NFIC: variants seen among roughly 807,000 people sequenced by gnomAD.
NFIC encodes the protein nuclear factor I C.
Under a neutral mutation model 54.4 loss-of-function variants are expected in NFIC, and 12 were observed. The ratio of observed to expected loss-of-function variants is 0.22; its 90% CI spans 0.14 to 0.36. The LOEUF (loss-of-function observed/expected upper bound fraction) is 0.36. Among genes scored for constraint, NFIC ranks in the 10% least tolerant of loss-of-function variants. The probability of loss-of-function intolerance (pLI) is 1.00; values close to 1 mark genes in which losing one functional copy is unlikely to be tolerated. For missense variants in NFIC, 575 were observed against 718.2 expected, an observed-to-expected ratio of 0.80 and a Z score of 2.28; for synonymous variants, 322 against 319.2, an observed-to-expected ratio of 1.01 and a Z score of -0.09.
intron 2 of NFIC, among the ~76,000 whole-genome samples, chr19:3,402,909 G>C (rs981939215): frequency 1.3e-5 from 2 of 152,164 alleles, no homozygotes; most frequent in Non-Finnish European, 2.9e-5. Flanking sequence ...AGGGCAGAAA[G>C]CGGACAGGAC....
In NFIC at chr19:3,449,087, C is replaced by T. The variant is rs1312615943; in HGVS notation, c.1032C>T (p.Pro344=). ...PFNSPSPQDS[P]RLSSFTQHHR... Reference sequence around the variant, plus strand: ...ACAGCCCGTCCCCCCAGGACTCTCCCCGCCTCTCCAGCTTCACCCAGCACC... The same window carrying T: ...ACAGCCCGTCCCCCCAGGACTCTCCTCGCCTCTCCAGCTTCACCCAGCACC... The change falls in exon 7 of 11, where the codon CCC becomes CCT. Residue 344 remains proline, a synonymous_variant. Coordinates refer to ENST00000443272, the MANE Select transcript of NFIC (RefSeq NM_001245002.2). 1 of 1,613,878 alleles carries T rather than the reference C, an allele frequency of 6.2e-7. No homozygotes were observed. Among genetic ancestry groups the T allele is most frequent in the Admixed American group, 1.7e-5 (1 of 59,996 alleles).
intron 2 of NFIC, among the ~76,000 whole-genome samples, chr19:3,413,530 CCATATGGGGA>C (rs1484923421): frequency 3.9e-5 from 6 of 152,082 alleles, no homozygotes; most frequent in Non-Finnish European, 8.8e-5. Context: ...TTACCGTCCC[CCATATGGGGA>C]CGGTAATCAC....
intron 2 of NFIC, among the ~76,000 whole-genome samples, chr19:3,417,297 C>G (rs1427912187): frequency 6.6e-6 from 1 of 152,180 alleles, no homozygotes; most frequent in African/African-American, 2.4e-5. Flanking sequence ...AACAGCAGAA[C>G]TTCTGAGCTA....
At chr19:3,364,382 G>A (rs2080855516), upstream of NFIC, among the ~76,000 whole-genome samples, 1 of 152,182 alleles carries the variant, frequency 6.6e-6, no homozygotes, top group Admixed American at 6.5e-5. Flanking sequence ...AGGGAGAGCC[G>A]AGGTGCAGAG....
chr19:3,408,662 C>T (rs570379704), intron 2 of NFIC, among the ~76,000 whole-genome samples: 42 of 152,226 alleles, frequency 2.8e-4, no homozygotes, highest in South Asian at 6.2e-4. Context: ...CACTCTGTCG[C>T]GCCAACTCGG....
At chr19:3,434,597 C>T (rs994936862) in intron 5 of NFIC, among the ~76,000 whole-genome samples, 197 bp downstream of exon 5, 1 of 152,190 alleles carries the variant, frequency 6.6e-6, no homozygotes, top group African/African-American at 2.4e-5. Flanking sequence ...GACAGCCCAC[C>T]GTGGGCTCCC....
At chr19:3,456,400 G>C (rs2082556644) in intron 9 of NFIC, 150 bp from the exon 10 acceptor site, 2 of 705,644 alleles carry the variant, frequency 2.8e-6, no homozygotes, top group South Asian at 3.6e-5. Context: ...GTTCAACTGG[G>C]GGTAGGGCGG....
intron 2 of NFIC, among the ~76,000 whole-genome samples, chr19:3,391,503 T>G (rs139372261): frequency 4.6e-5 from 7 of 151,842 alleles, no homozygotes; most frequent in Non-Finnish European, 8.8e-5. Flanking sequence ...ATACAAAAAT[T>G]AGCCAGTCGT....
intron 2 of NFIC, among the ~76,000 whole-genome samples, chr19:3,420,444 T>C (rs1446080789): frequency 6.6e-6 from 1 of 151,916 alleles, no homozygotes; most frequent in African/African-American, 2.4e-5. Context: ...CCCAGCTACT[T>C]GGGAGGCTGG....
At chr19:3,380,969 T>A (rs564307535) in intron 1 of NFIC, among the ~76,000 whole-genome samples, 2 of 150,008 alleles carry the variant, frequency 1.3e-5, no homozygotes, top group East Asian at 4.2e-4. Flanking sequence ...CTAGCTGCAA[T>A]AGGCAGAGAA....
intron 1 of NFIC, chr19:3,359,776 A>T: frequency 8.0e-7 from 1 of 1,247,944 alleles, no homozygotes. Context: ...CTGGGGGGAC[A>T]GGGGGCGGGG....
chr19:3,400,804 T>C (rs2081543407), intron 2 of NFIC, among the ~76,000 whole-genome samples: 1 of 152,166 alleles, frequency 6.6e-6, no homozygotes, highest in Non-Finnish European at 1.5e-5. Context: ...ATTGTACCAC[T>C]ACACTCCAGC....
chr19:3,436,647 A>C (rs1338932875), intron 6 of NFIC, among the ~76,000 whole-genome samples: 4 of 150,702 alleles, frequency 2.7e-5, no homozygotes, highest in Non-Finnish European at 5.9e-5. Flanking sequence ...GCTAATCTTT[A>C]TATTTTTAGT....
At chr19:3,456,876 A>C (rs779988381) in intron 10 of NFIC, 38 of 566,820 alleles carry the variant, frequency 6.7e-5, no homozygotes, top group Non-Finnish European at 1.1e-4. Context: ...TGGGGTCCCC[A>C]GGAGCGTCTC....
Position 3,425,144 on chromosome 19 carries a change from T to C in NFIC, c.601T>C (p.Ser201Pro). 1.9e-6 allele frequency: 3 copies of C among 1,613,006 alleles called. No homozygotes were observed. In the Middle Eastern group the frequency reaches 5.0e-4, roughly 266 times the overall value. Residue 201 changes from serine (S) to proline (P), a missense_variant, in exon 3 of 11, where the codon TCT (serine) becomes CCT (proline). Ser to Pro is a moderately conservative substitution (Grantham distance 74, BLOSUM62 -1). Transcript: ENST00000443272. ...QSGSPRTGMGSDQEDSKPITL... is the reference protein window; with the variant it reads ...QSGSPRTGMGPDQEDSKPITL... ...CGGCAGTCCCCGGACAGGGATGGGC[T>C]CTGACCAGGAGGACAGCAAGCCCAT... is the stretch of plus-strand genomic sequence containing the variant.
Position 3,449,106 on chromosome 19 carries a change from C to A in NFIC, c.1051C>A (p.Gln351Lys). ...QDSPRLSSFT[Q>K]HHRPVIAVHS... is the part of the protein sequence containing the mutation. ...CTCTCCCCGCCTCTCCAGCTTCACC[C>A]AGCACCACCGGCCCGTCATCGCCGT... Residue 351 changes from glutamine (Q) to lysine (K), a missense_variant, in exon 7 of 11, where the codon CAG becomes AAG. By Grantham distance (53) the Gln-to-Lys change is moderately conservative. Coordinates refer to ENST00000443272, the MANE Select transcript of NFIC (RefSeq NM_001245002.2). The A allele has an allele frequency of 6.2e-7, 1 of 1,613,818 alleles. No homozygotes were observed. The highest frequency in any genetic ancestry group is 1.1e-5 in the South Asian group (1 of 91,060).
chr19:3,379,478 C>G (rs560933655), intron 1 of NFIC, among the ~76,000 whole-genome samples: 20 of 151,490 alleles, frequency 1.3e-4, no homozygotes, highest in African/African-American at 4.6e-4. Context: ...CCTGAGTAGC[C>G]GGGACTACAG....
intron 2 of NFIC, among the ~76,000 whole-genome samples, chr19:3,388,579 T>C (rs945183461): frequency 2.0e-5 from 3 of 151,700 alleles, no homozygotes; most frequent in East Asian, 1.9e-4. Flanking sequence ...TCCCAACACT[T>C]TGGGAGGCTG....
At position 3,370,876 on chromosome 19, in the gene NFIC, C is replaced by T. The variant is rs976927197; in HGVS notation, c.30+4210C>T. Reference sequence around the variant, plus strand: ...CCTGCCTGTGTCCACGCCGACCTCACCTGGGTGCCCATCTGCCCTGAGCAC... The same window carrying T: ...CCTGCCTGTGTCCACGCCGACCTCATCTGGGTGCCCATCTGCCCTGAGCAC... On this transcript the variant is annotated intron_variant, in intron 1 of 10. Transcript: ENST00000443272. This position sits in a 1 kb window ranked among gnomAD's most constrained non-coding sequence, Gnocchi z 5.2. Among the ~76,000 whole-genome samples, 1 of 152,220 alleles carries T rather than the reference C, an allele frequency of 6.6e-6. No individual in the cohort carries two copies. The highest frequency in any genetic ancestry group is 2.4e-5 in the African/African-American group (1 of 41,458).
Sources: gnomAD v4.1 joint callset for allele counts (sites outside exome capture counted in the v4.1 genomes callset) on GRCh38, gnomAD v4.1.1 for gene constraint, Gnocchi (gnomAD v3.1) non-coding constraint, MANE v1.5 for transcripts, NCBI Gene and HGNC (gene_info 2026-07-23, HGNC 2026-07-21) for gene names.